The following DRC2 variants were observed in gnomAD, a reference collection of about 807,000 sequenced individuals.
DRC2 encodes coiled-coil domain containing 65.
the DRC2 span, chr12:48,920,977 CGAA>C: frequency 1.2e-6 from 2 of 1,613,136 alleles, no homozygotes; most frequent in Non-Finnish European, 8.5e-7. Context: ...AATTTGAAAC[CGAA>C]GAAGAAAAAG....
chr12:48,920,444 A>ATT, the DRC2 span, among the ~76,000 whole-genome samples: 24 of 130,554 alleles, frequency 1.8e-4, no homozygotes, highest in Non-Finnish European at 3.4e-4. Flanking sequence ...TCCATCTTAA[A>ATT]AAAAAAAAAA....
At chr12:48,919,562 G>A in the DRC2 span, among the ~76,000 whole-genome samples, 4 of 151,310 alleles carry the variant, frequency 2.6e-5, no homozygotes, top group African/African-American at 4.9e-5. Context: ...CTGTTGCCCC[G>A]GCTGGAGTGC....
chr12:48,920,850 G>A, the DRC2 span: 1 of 1,406,838 alleles, frequency 7.1e-7, no homozygotes. Context: ...GCTTCCCTGG[G>A]TTCAAACAGG....
At chr12:48,912,758 G>A in the DRC2 span, among the ~76,000 whole-genome samples, 1 of 152,168 alleles carries the variant, frequency 6.6e-6, no homozygotes, top group East Asian at 1.9e-4. Flanking sequence ...ATCTGCCTCA[G>A]TGAGGCACTT....
At chr12:48,904,886 T>G in the DRC2 span, 1 of 1,386,960 alleles carries the variant, frequency 7.2e-7, no homozygotes, top group Non-Finnish European at 9.9e-7. Flanking sequence ...TTAAGAGTGA[T>G]CTTGTTTGTT....
At chr12:48,914,499 G>A in the DRC2 span, 2 of 1,614,066 alleles carry the variant, frequency 1.2e-6, no homozygotes, top group African/African-American at 1.3e-5. Context: ...CCCTGCAGAG[G>A]CACCGGCTCA....
the DRC2 span, chr12:48,918,789 G>A: frequency 6.2e-7 from 1 of 1,614,040 alleles, no homozygotes; most frequent in South Asian, 1.1e-5. Context: ...TTGTACAACT[G>A]CGAAAACTTA....
chr12:48,911,499 G>A, the DRC2 span, among the ~76,000 whole-genome samples: 1 of 152,140 alleles, frequency 6.6e-6, no homozygotes, highest in Non-Finnish European at 1.5e-5. Flanking sequence ...TGAGGCTGCA[G>A]TGAGCTGTGA....
the DRC2 span, chr12:48,921,191 G>A: frequency 2.5e-6 from 4 of 1,614,162 alleles, no homozygotes; most frequent in Non-Finnish European, 3.4e-6. Flanking sequence ...ACATAGGAAT[G>A]GAGAATTTCT....
chr12:48,913,133 C>CA, the DRC2 span, among the ~76,000 whole-genome samples: 10,719 of 69,678 alleles, frequency 0.15, 838 homozygotes, highest in African/African-American at 0.2. Flanking sequence ...GACTCCGTCT[C>CA]AAAAAAAAAA....
At chr12:48,911,610 G>GA in the DRC2 span, among the ~76,000 whole-genome samples, 13 of 149,194 alleles carry the variant, frequency 8.7e-5, no homozygotes, top group Non-Finnish European at 1.5e-4. Context: ...GATCCGGTAA[G>GA]AAAAAAAAAA....
At chr12:48,910,289 C>A in the DRC2 span, among the ~76,000 whole-genome samples, 1 of 152,224 alleles carries the variant, frequency 6.6e-6, no homozygotes, top group Non-Finnish European at 1.5e-5. Flanking sequence ...CCTTTGGGAG[C>A]AGTGGGCATA....
the DRC2 span, among the ~76,000 whole-genome samples, chr12:48,907,128 T>C: frequency 6.6e-6 from 1 of 151,988 alleles, no homozygotes; most frequent in Non-Finnish European, 1.5e-5. Flanking sequence ...GGCGGGAGAA[T>C]GGCGTGAACC....
chr12:48,918,224 G>A, the DRC2 span: 4 of 1,554,346 alleles, frequency 2.6e-6, no homozygotes, highest in South Asian at 3.4e-5. Context: ...GAAGTGAAAG[G>A]GCACTAATAA....
chr12:48,913,839 G>A, the DRC2 span, among the ~76,000 whole-genome samples: 1 of 151,824 alleles, frequency 6.6e-6, no homozygotes, highest in Non-Finnish European at 1.5e-5. Context: ...TGTTGGTCAG[G>A]CTGGTCTTGA....
chr12:48,914,816 T>G, the DRC2 span, among the ~76,000 whole-genome samples: 1 of 152,148 alleles, frequency 6.6e-6, no homozygotes, highest in Non-Finnish European at 1.5e-5. Flanking sequence ...CTTTCTTCTT[T>G]TTTTTTCTTT....
chr12:48,919,808 G>T, the DRC2 span, among the ~76,000 whole-genome samples: 2 of 151,722 alleles, frequency 1.3e-5, no homozygotes, highest in African/African-American at 4.8e-5. Context: ...GAGCCACCGC[G>T]TCTGGTCTAC....
chr12:48,915,922 G>T, the DRC2 span, among the ~76,000 whole-genome samples: 1 of 150,664 alleles, frequency 6.6e-6, no homozygotes. Flanking sequence ...CTCCCAGACG[G>T]GGTGGCGGCC....
At chr12:48,921,482 G>A in the DRC2 span, 6 of 1,536,748 alleles carry the variant, frequency 3.9e-6, no homozygotes, top group Non-Finnish European at 4.4e-6. Context: ...TCCACAACCT[G>A]TGATCTAAGG....
Sources: gnomAD v4.1 joint callset for allele counts (sites outside exome capture counted in the v4.1 genomes callset) on GRCh38, gnomAD v4.1.1 for gene constraint, MANE v1.5 for transcripts, NCBI Gene and HGNC (gene_info 2026-07-23, HGNC 2026-07-21) for gene names.